FGF12: variants seen among roughly 807,000 people sequenced by gnomAD.
FGF12 encodes fibroblast growth factor 12.
FGF12 carries 14 observed loss-of-function variants against 23.6 expected under a neutral mutation model. The ratio of observed to expected loss-of-function variants is 0.59; its 90% confidence interval spans 0.39 to 0.93. The LOEUF (loss-of-function observed/expected upper bound fraction) is 0.93. FGF12 is among the 40% of genes least tolerant of loss of function. The pLI, the probability that FGF12 is intolerant of heterozygous loss-of-function variation, is 0.00. For synonymous variants in FGF12, 62 were observed against 77.3 expected, an observed-to-expected ratio of 0.80 and a Z score of 1.04; for missense variants, 175 against 217.8, an observed-to-expected ratio of 0.80 and a Z score of 1.24.
intron 4 of FGF12, among the ~76,000 whole-genome samples, chr3:192,296,655 TTAG>T (rs1435648140): frequency 6.6e-6 from 1 of 152,216 alleles, no homozygotes; most frequent in Admixed American, 6.6e-5. Context: ...AAGAACATTA[TTAG>T]GTCTTCATAA....
chr3:192,472,777 C>T (rs938370769), intron 2 of FGF12, among the ~76,000 whole-genome samples: 1 of 152,194 alleles, frequency 6.6e-6, no homozygotes, highest in Non-Finnish European at 1.5e-5. Context: ...CCTCCCACTA[C>T]TTGCCCTTCG....
At chr3:192,434,448 C>G (rs1233248103) in intron 2 of FGF12, among the ~76,000 whole-genome samples, 3 of 152,168 alleles carry the variant, frequency 2.0e-5, no homozygotes, top group Non-Finnish European at 2.9e-5. Context: ...TGCCTTCACA[C>G]TTTTTACCAG....
chr3:192,672,064 C>G (rs933083108), intron 2 of FGF12, among the ~76,000 whole-genome samples: 1 of 152,234 alleles, frequency 6.6e-6, no homozygotes, highest in African/African-American at 2.4e-5. Flanking sequence ...CAAGCCAGCA[C>G]TAGAGCGTAG....
intron 4 of FGF12, among the ~76,000 whole-genome samples, chr3:192,199,382 A>G (rs868565267): frequency 2.6e-5 from 4 of 152,232 alleles, no homozygotes; most frequent in African/African-American, 9.6e-5. Flanking sequence ...GACATACATC[A>G]TAACAGTTCA....
chr3:192,643,459 T>C (rs1486616969), intron 2 of FGF12, among the ~76,000 whole-genome samples: 1 of 152,222 alleles, frequency 6.6e-6, no homozygotes, highest in Non-Finnish European at 1.5e-5. Context: ...CAATCTACCA[T>C]TTTAATCTTA....
At chr3:192,224,778 G>A (rs1322955561) in intron 4 of FGF12, among the ~76,000 whole-genome samples, 2 of 152,118 alleles carry the variant, frequency 1.3e-5, no homozygotes, top group African/African-American at 4.8e-5. Context: ...GAAACTGAAT[G>A]TTCTCAACTG....
chr3:192,258,612 C>A (rs1345013469), intron 4 of FGF12, among the ~76,000 whole-genome samples: 1 of 152,068 alleles, frequency 6.6e-6, no homozygotes, highest in Non-Finnish European at 1.5e-5. Context: ...TAATCTTTTG[C>A]TCTGTTGTAA....
At chr3:192,600,119 T>C (rs535627561) in intron 2 of FGF12, among the ~76,000 whole-genome samples, 1 of 152,256 alleles carries the variant, frequency 6.6e-6, no homozygotes, top group East Asian at 1.9e-4. Context: ...TATCCTGTTT[T>C]CCCAGCACTA....
chr3:192,635,342 C>A (rs893588121), intron 2 of FGF12, among the ~76,000 whole-genome samples: 1 of 151,966 alleles, frequency 6.6e-6, no homozygotes, highest in Non-Finnish European at 1.5e-5. Flanking sequence ...TTGCTTTAGG[C>A]CAACCTGATT....
At chr3:192,438,074 C>A (rs954943698) in intron 2 of FGF12, among the ~76,000 whole-genome samples, 1 of 152,102 alleles carries the variant, frequency 6.6e-6, no homozygotes, top group African/African-American at 2.4e-5. Context: ...TTTCAATTGC[C>A]TTTTGTACAT....
chr3:192,711,407 A>T (rs1045201630), intron 2 of FGF12, among the ~76,000 whole-genome samples: 2 of 149,222 alleles, frequency 1.3e-5, no homozygotes, highest in Admixed American at 1.3e-4. Flanking sequence ...CTGGGAAGTG[A>T]GGAGCCCCTC....
chr3:192,358,122 A>C (rs1718558209), intron 3 of FGF12, among the ~76,000 whole-genome samples: 1 of 152,096 alleles, frequency 6.6e-6, no homozygotes, highest in African/African-American at 2.4e-5. Flanking sequence ...TAAAATATGC[A>C]AAACAATATT....
chr3:192,178,741 G>A (rs36087345), intron 4 of FGF12, among the ~76,000 whole-genome samples: 13,993 of 152,144 alleles, frequency 0.092, 668 homozygotes, highest in East Asian at 0.13. Flanking sequence ...CAGACAATCC[G>A]TCCACCTTGG....
At chr3:192,462,617 A>C (rs1038446765) in intron 2 of FGF12, among the ~76,000 whole-genome samples, 1 of 152,188 alleles carries the variant, frequency 6.6e-6, no homozygotes, top group Non-Finnish European at 1.5e-5. Context: ...AAACAACAGA[A>C]AATAGACTGA....
chr3:192,365,996 C>A (rs960991785), intron 2 of FGF12, among the ~76,000 whole-genome samples: 71 of 128,344 alleles, frequency 5.5e-4, no homozygotes, highest in Non-Finnish European at 8.5e-4. Context: ...AAAAAAAAAA[C>A]AACAACAAAA....
At chr3:192,714,105 C>T (rs1718783158) in intron 2 of FGF12, among the ~76,000 whole-genome samples, 1 of 152,084 alleles carries the variant, frequency 6.6e-6, no homozygotes, top group Non-Finnish European at 1.5e-5. Flanking sequence ...GTGGTAAATA[C>T]TTACACTATC....
At chr3:192,247,871 C>A (rs1341498992) in intron 4 of FGF12, among the ~76,000 whole-genome samples, 1 of 152,094 alleles carries the variant, frequency 6.6e-6, no homozygotes, top group Non-Finnish European at 1.5e-5. Context: ...AAGTAGTGTT[C>A]CTGACATATG....
intron 2 of FGF12, among the ~76,000 whole-genome samples, chr3:192,457,711 T>C (rs1201579354): frequency 1.3e-5 from 2 of 152,190 alleles, no homozygotes; most frequent in South Asian, 4.1e-4. Flanking sequence ...GACGATGCAA[T>C]AGAAAATAAA....
chr3:192,636,316 T>G (rs1715581572), intron 2 of FGF12, among the ~76,000 whole-genome samples: 1 of 152,204 alleles, frequency 6.6e-6, no homozygotes, highest in African/African-American at 2.4e-5. Flanking sequence ...GAAATTTATT[T>G]CCTTGGTTTT....
Sources: gnomAD v4.1 joint callset for allele counts (sites outside exome capture counted in the v4.1 genomes callset) on GRCh38, gnomAD v4.1.1 for gene constraint, MANE v1.5 for transcripts, NCBI Gene and HGNC (gene_info 2026-07-23, HGNC 2026-07-21) for gene names.